Variants in NCOR2 observed in about 807,000 individuals in gnomAD.
NCOR2 encodes nuclear receptor corepressor 2, also known as CTG repeat protein 26.
NCOR2 carries 81 observed loss-of-function variants against 262.9 expected under a neutral mutation model. The ratio of observed to expected loss-of-function variants is 0.31; its 90% CI spans 0.26 to 0.37. NCOR2 has a LOEUF of 0.37. NCOR2 is among the 10% of genes least tolerant of loss of function. The probability of loss-of-function intolerance (pLI) is 1.00; values close to 1 mark genes in which losing one functional copy is unlikely to be tolerated. For synonymous variants in NCOR2, 1,659 were observed against 1,559.3 expected (o/e 1.06, Z -1.51); for missense variants, 3,385 against 3,621.4 (o/e 0.93, Z 1.68).
At chr12:124,527,725 TTAAA>T (rs2137129351) in intron 1 of NCOR2, among the ~76,000 whole-genome samples, 1 of 152,252 alleles carries the variant, frequency 6.6e-6, no homozygotes, top group East Asian at 1.9e-4. Flanking sequence ...GCCCAGTCAA[TTAAA>T]TAAATTATAA....
intron 1 of NCOR2, among the ~76,000 whole-genome samples, chr12:124,543,314 C>T (rs540534394): frequency 1.3e-5 from 2 of 152,344 alleles, no homozygotes; most frequent in South Asian, 2.1e-4. Flanking sequence ...CCGGGCATAG[C>T]GACTGGGGAG....
At chr12:124,547,149 C>T (rs923747904) in intron 1 of NCOR2, among the ~76,000 whole-genome samples, 4 of 152,092 alleles carry the variant, frequency 2.6e-5, no homozygotes, top group African/African-American at 9.7e-5. Flanking sequence ...GCCACCACGA[C>T]TGGCTACATT....
intron 37 of NCOR2, among the ~76,000 whole-genome samples, chr12:124,339,302 T>C (rs2036197294): frequency 1.8e-5 from 2 of 111,940 alleles, no homozygotes; most frequent in Admixed American, 9.4e-5. Context: ...CACCTGCCCA[T>C]CCATCCATCC....
At chr12:124,448,518 G>C (rs903613871) in intron 7 of NCOR2, among the ~76,000 whole-genome samples, 3 of 152,166 alleles carry the variant, frequency 2.0e-5, no homozygotes, top group Non-Finnish European at 4.4e-5. Flanking sequence ...GCCCCTGCTG[G>C]CCACTGGCTG....
chr12:124,340,105 C>A lies in NCOR2; in HGVS notation c.5588G>T (p.Arg1863Leu), dbSNP rs753298868. The A allele has an allele frequency of 1.2e-6, 2 of 1,612,736 alleles. No homozygotes were observed. Among genetic ancestry groups the A allele is most frequent in the South Asian group, 2.2e-5 (2 of 91,070 alleles). ...TCTCTGCTGGAGGGCATCCTGGGTC[C>A]GAGGGGAGATGGGCGAGTGCTGGTG... The change falls in exon 37 of 47, where the codon CGG becomes CTG. Residue 1863 changes from arginine (R) to leucine (L), a missense_variant. Arg to Leu is a moderately radical substitution (Grantham distance 102, BLOSUM62 -2). This residue lies in a region of NCOR2 where 1,017 missense variants were observed against 967.2 expected (regional missense o/e 1.05). Coordinates refer to ENST00000405201, the Ensembl canonical transcript of NCOR2.
intron 17 of NCOR2, among the ~76,000 whole-genome samples, chr12:124,385,272 G>A (rs7976823): frequency 3.9e-5 from 6 of 151,908 alleles, no homozygotes; most frequent in South Asian, 2.1e-4. Context: ...GTCCGCCCCC[G>A]CCCCCCCAGA....
At chr12:124,393,507 C>T (rs560478590) in intron 16 of NCOR2, among the ~76,000 whole-genome samples, 39 of 152,364 alleles carry the variant, frequency 2.6e-4, no homozygotes, top group African/African-American at 9.4e-4. Context: ...GCCAGGCTCC[C>T]GGTGGCCCCT....
rs758254275 is a variant in NCOR2 at position 124,341,803 on chromosome 12, T to C, written c.5188+20A>G. ...GGAATAAGGCCAAACCCAGCGGAGGTGGTCTGCCCACCCACTCACCTCGGG... is the reference window on the plus strand; with the variant it reads ...GGAATAAGGCCAAACCCAGCGGAGGCGGTCTGCCCACCCACTCACCTCGGG... On this transcript the variant is annotated intron_variant, in intron 34 of 46. Coordinates refer to ENST00000405201, the Ensembl canonical transcript of NCOR2. 1.6e-5 allele frequency: 26 copies of C among 1,582,748 alleles called. No individual in the cohort carries two copies. The highest frequency in any genetic ancestry group is 2.2e-5 in the Non-Finnish European group (26 of 1,167,074).
chr12:124,458,353 C>CT (rs2045989449), intron 5 of NCOR2, among the ~76,000 whole-genome samples: 1 of 152,240 alleles, frequency 6.6e-6, no homozygotes, highest in African/African-American at 2.4e-5. Context: ...ATCACTCCCC[C>CT]TCCCCAGCCC....
At chr12:124,339,853 A>ATC (rs1566364300) in intron 37 of NCOR2, among the ~76,000 whole-genome samples, 153 bp downstream of exon 39, 1 of 138,404 alleles carries the variant, frequency 7.2e-6, no homozygotes, top group African/African-American at 2.9e-5. Context: ...CCACCCATCC[A>ATC]CTACTCACAC....
chr12:124,341,879 C>T, exon 34 of NCOR2: 2 of 1,612,298 alleles, frequency 1.2e-6, no homozygotes, highest in Non-Finnish European at 1.7e-6. Flanking sequence ...CGAGAGGCCC[C>T]TCAGCATATC....
rs548191656 is a variant in NCOR2, at chr12:124,503,187, C to G, written c.-117-7819G>C. Among the ~76,000 whole-genome samples the G allele has an allele frequency of 1.7e-4, 26 of 152,370 alleles. No homozygotes were observed. The highest frequency in any genetic ancestry group is 3.9e-4 in the Admixed American group (6 of 15,308). On this transcript the variant is annotated intron_variant, in intron 1 of 46. Coordinates refer to the NCOR2 transcript ENST00000404621. This position sits in a 1 kb window ranked among gnomAD's most constrained non-coding sequence, Gnocchi z 4.3. ...ATCAATTAGAGAATTATTTCAGCAT[C>G]TGTTATGTGCAAACACTGTACAAGC...
intron 13 of NCOR2, among the ~76,000 whole-genome samples, chr12:124,407,438 G>T (rs935835381): frequency 6.6e-6 from 1 of 152,234 alleles, no homozygotes; most frequent in Non-Finnish European, 1.5e-5. Context: ...GGCATGGCTG[G>T]AGGGCCTGGC....
rs763323535 is a variant in NCOR2, at chr12:124,495,239, T to C, written c.13A>G (p.Thr5Ala). 5.0e-5 allele frequency: 80 copies of C among 1,613,092 alleles called. No homozygotes were observed. The Middle Eastern group carries it at 1.8e-3, about 37-fold the overall frequency. ...CTCCACGTCTGTGCCACAGGCTGTGTGGATCCCGACATGGTGGTGGGGGTC... is the reference window on the plus strand; with the variant it reads ...CTCCACGTCTGTGCCACAGGCTGTGCGGATCCCGACATGGTGGTGGGGGTC... The change falls in exon 1 of 47, where the codon ACA becomes GCA. Residue 5 changes from threonine (T) to alanine (A), a missense_variant. By Grantham distance (58) the Thr-to-Ala change is moderately conservative. Transcript: ENST00000405201. The surrounding 1 kb of genome is among the most constrained non-coding windows in gnomAD (Gnocchi z 4.4).
Position 124,458,735 on chromosome 12 carries a change from G to C in NCOR2, c.706-1573C>G, listed in dbSNP as rs538374317. 4.6e-5 allele frequency among the ~76,000 whole-genome samples: 7 copies of C among 152,328 alleles called. 1 individual carries two copies. The highest frequency in any genetic ancestry group is 1.7e-4 in the African/African-American group (7 of 41,562). On this transcript the variant is annotated intron_variant, in intron 5 of 46. Coordinates refer to ENST00000405201, the Ensembl canonical transcript of NCOR2. ...AAGAAGCCCTTCTTATGACCTCCAGGATCCACGGACAGAGGAAGCCAAGGG... is the reference window on the plus strand; with the variant it reads ...AAGAAGCCCTTCTTATGACCTCCAGCATCCACGGACAGAGGAAGCCAAGGG...
At chr12:124,385,237 C>T (rs1345850162) in intron 17 of NCOR2, among the ~76,000 whole-genome samples, 1 of 152,188 alleles carries the variant, frequency 6.6e-6, no homozygotes, top group Non-Finnish European at 1.5e-5. Context: ...CTGCCTCAAG[C>T]CCTCCAGGAT....
At chr12:124,565,784 G>C (rs868640925) in intron 1 of NCOR2, among the ~76,000 whole-genome samples, 3 of 152,208 alleles carry the variant, frequency 2.0e-5, no homozygotes, top group Non-Finnish European at 4.4e-5. Context: ...GACAGGCACA[G>C]AGAAGTTAAG....
intron 6 of NCOR2, among the ~76,000 whole-genome samples, chr12:124,455,913 C>T (rs2045821429): frequency 6.6e-6 from 1 of 152,178 alleles, no homozygotes; most frequent in South Asian, 2.1e-4. Flanking sequence ...TCTCACTCTA[C>T]TGCCCAGGCT....
chr12:124,355,057 C>T lies in NCOR2; in HGVS notation c.3382-118G>A, dbSNP rs538027029. Reference sequence around the variant, plus strand: ...TGGGTCAGAGGCTGGGGCTGCTGTCCAGCTGTGTGACGGCAGACAAGTCAC... The same window carrying T: ...TGGGTCAGAGGCTGGGGCTGCTGTCTAGCTGTGTGACGGCAGACAAGTCAC... On this transcript the variant is annotated intron_variant, in intron 24 of 46. Transcript: ENST00000405201. 11 of 840,860 alleles carry T rather than the reference C, an allele frequency of 1.3e-5. No individual in the cohort carries two copies. In the African/African-American group the frequency reaches 1.4e-4, roughly 11 times the overall value. 52.1% of individuals were successfully genotyped at this position (840,860 alleles called of 1,614,324 possible).
Sources: gnomAD v4.1 joint callset for allele counts (sites outside exome capture counted in the v4.1 genomes callset) on GRCh38, gnomAD v4.1.1 for gene constraint, gnomAD v4.1.1 regional missense constraint, Gnocchi (gnomAD v3.1) non-coding constraint, MANE v1.5 for transcripts, NCBI Gene and HGNC (gene_info 2026-07-23, HGNC 2026-07-21) for gene names.